Variants in ALKBH1 observed in about 807,000 individuals in gnomAD.
The protein encoded by ALKBH1 is nucleic acid dioxygenase ALKBH1.
In ALKBH1, 31 loss-of-function variants were observed where a neutral mutation model predicts 36.6. That is an observed-to-expected ratio of 0.85 (90% CI 0.64 to 1.14). ALKBH1 has a LOEUF of 1.14. Among genes scored for constraint, ALKBH1 ranks in the 50% most tolerant of loss-of-function variants. ALKBH1 has a pLI of 0.00. For synonymous variants in ALKBH1, 183 were observed against 186.6 expected (o/e 0.98, Z 0.16); for missense variants, 490 against 497.3 (o/e 0.99, Z 0.14).
At chr14:77,706,214 A>C (rs1355997132) in intron 1 of ALKBH1, among the ~76,000 whole-genome samples, 1 of 152,136 alleles carries the variant, frequency 6.6e-6, no homozygotes, top group Non-Finnish European at 1.5e-5. Context: ...TTGCTGATGT[A>C]TAACCAGTCT....
intron 1 of ALKBH1, among the ~76,000 whole-genome samples, chr14:77,707,545 A>G (rs2080401836): frequency 6.6e-6 from 1 of 152,174 alleles, no homozygotes; most frequent in Non-Finnish European, 1.5e-5. Flanking sequence ...CCAAACAGAA[A>G]TGTGAGGAGA....
intron 3 of ALKBH1, among the ~76,000 whole-genome samples, chr14:77,693,583 G>A (rs1203984085): frequency 6.6e-6 from 1 of 152,188 alleles, no homozygotes; most frequent in Admixed American, 6.5e-5. Flanking sequence ...CTTTGCTCAG[G>A]CTGCTTTCTC....
At chr14:77,689,106 G>A (rs1334222297) in intron 3 of ALKBH1, among the ~76,000 whole-genome samples, 1 of 152,164 alleles carries the variant, frequency 6.6e-6, no homozygotes, top group Non-Finnish European at 1.5e-5. Context: ...CTATTCTCAT[G>A]TTTTTCATGG....
chr14:77,673,891 T>A lies in ALKBH1; in HGVS notation c.1091A>T (p.Asp364Val). The A allele has an allele frequency of 3.7e-6, 6 of 1,614,232 alleles. No individual in the cohort carries two copies. The highest frequency in any genetic ancestry group is 5.1e-6 in the Non-Finnish European group (6 of 1,180,040). ...PLEPIEDEKRDISTEGFCHLD... is the reference protein window; with the variant it reads ...PLEPIEDEKRVISTEGFCHLD... ...ATGGCAGAAACCTTCTGTACTGATG[T>A]CTCTTTTTTCATCCTCGATGGGTTC... The change falls in exon 6 of 6, where the codon GAC becomes GTC. Residue 364 changes from aspartate to valine, a missense_variant. By Grantham distance (152) the Asp-to-Val change is radical. Transcript: ENST00000216489.
chr14:77,678,717 G>C (rs138596359), intron 4 of ALKBH1, among the ~76,000 whole-genome samples: 2 of 152,156 alleles, frequency 1.3e-5, no homozygotes, highest in African/African-American at 2.4e-5. Flanking sequence ...CTAAAGCATA[G>C]AGGATAGGAA....
At chr14:77,699,951 A>G (rs886455476) in intron 2 of ALKBH1, among the ~76,000 whole-genome samples, 2 of 152,120 alleles carry the variant, frequency 1.3e-5, no homozygotes, top group African/African-American at 4.8e-5. Context: ...GCTACTTGGG[A>G]GGCTGAGGCA....
intron 2 of ALKBH1, chr14:77,696,477 G>C (rs1292607490): frequency 1.3e-5 from 2 of 152,796 alleles, no homozygotes; most frequent in East Asian, 3.8e-4. Flanking sequence ...GGTGAGCCGG[G>C]CCTGGTCTTG....
chr14:77,694,655 G>T, intron 3 of ALKBH1, 83 bp downstream of exon 3: 1 of 1,151,128 alleles, frequency 8.7e-7, no homozygotes, highest in Non-Finnish European at 1.1e-6. Flanking sequence ...CACTTTTACT[G>T]CATTGTTATA....
intron 3 of ALKBH1, among the ~76,000 whole-genome samples, chr14:77,693,306 C>T (rs752291431): frequency 2.6e-5 from 4 of 152,006 alleles, no homozygotes; most frequent in Non-Finnish European, 5.9e-5. Context: ...ACCTTGGCCT[C>T]CCAAAGTGTT....
intron 2 of ALKBH1, among the ~76,000 whole-genome samples, chr14:77,701,096 AAAAC>A (rs2080357076): frequency 6.6e-6 from 1 of 152,200 alleles, no homozygotes; most frequent in South Asian, 2.1e-4. Flanking sequence ...CTGTCTCAAG[AAAAC>A]AAACAAAACC....
At chr14:77,694,509 T>A (rs1033282978) in intron 3 of ALKBH1, among the ~76,000 whole-genome samples, 1 of 152,182 alleles carries the variant, frequency 6.6e-6, no homozygotes, top group African/African-American at 2.4e-5. Flanking sequence ...TTATCTAAGC[T>A]ATGATAAGCA....
chr14:77,675,644 G>A lies in ALKBH1; in HGVS notation c.740+12C>T, dbSNP rs754418650. On this transcript the variant is annotated intron_variant, in intron 5 of 5. Transcript: ENST00000216489. ...GATAAAAAGTAATCCCAAATCCCTG[G>A]AACTAACTCACCTGAATGACAGCAA... 4 of 1,585,296 alleles carry A rather than the reference G, an allele frequency of 2.5e-6. No individual in the cohort carries two copies. The highest frequency in any genetic ancestry group is 4.5e-5 in the East Asian group (2 of 44,416).
At chr14:77,707,054 T>C (rs1381978774) in intron 1 of ALKBH1, among the ~76,000 whole-genome samples, 1 of 152,228 alleles carries the variant, frequency 6.6e-6, no homozygotes, top group Non-Finnish European at 1.5e-5. Flanking sequence ...TTATGTTCCC[T>C]TAAAAAAATA....
chr14:77,696,505 C>T (rs1321854742), intron 2 of ALKBH1: 3 of 152,754 alleles, frequency 2.0e-5, no homozygotes, highest in African/African-American at 7.2e-5. Context: ...TGGGGCCTGC[C>T]TGGCCTGACC....
rs1341822066 is a variant in ALKBH1 at position 77,707,887 on chromosome 14, G to A, written c.118C>T (p.Leu40=). 2.5e-6 allele frequency: 4 copies of A among 1,613,424 alleles called. No homozygotes were observed. In the South Asian group the frequency reaches 4.4e-5, roughly 18 times the overall value. The change falls in exon 1 of 6, where the codon CTG becomes TTG. Residue 40 remains leucine (L), a synonymous_variant. Coordinates refer to ENST00000216489, the MANE Select transcript of ALKBH1 (RefSeq NM_006020.3). ...GCCGAGAAGTCGATGACCCCTTCCA[G>A]GTCTGCGGTCCCGGGCCGGCTCTGA... ...YRQSRPGTAD[L]EGVIDFSAAH...
chr14:77,687,588 T>C (rs1268321549), intron 3 of ALKBH1, among the ~76,000 whole-genome samples: 1 of 152,202 alleles, frequency 6.6e-6, no homozygotes, highest in Non-Finnish European at 1.5e-5. Flanking sequence ...CTGACTTTTG[T>C]TTACACCACT....
At chr14:77,677,728 T>C (rs948162621) in intron 4 of ALKBH1, among the ~76,000 whole-genome samples, 1 of 152,198 alleles carries the variant, frequency 6.6e-6, no homozygotes, top group African/African-American at 2.4e-5. Context: ...TTTCTCCTTT[T>C]ACTGAACTGT....
At chr14:77,691,423 C>T (rs561345004) in intron 3 of ALKBH1, among the ~76,000 whole-genome samples, 1 of 152,278 alleles carries the variant, frequency 6.6e-6, no homozygotes, top group African/African-American at 2.4e-5. Context: ...ACTCAACAGA[C>T]TCTCTCCTGT....
intron 2 of ALKBH1, chr14:77,697,103 G>T: frequency 5.2e-6 from 1 of 192,444 alleles, no homozygotes; most frequent in Non-Finnish European, 1.1e-5. Flanking sequence ...AGCTTCCCAT[G>T]GACCCCAAAG....
Sources: gnomAD v4.1 joint callset for allele counts (sites outside exome capture counted in the v4.1 genomes callset) on GRCh38, gnomAD v4.1.1 for gene constraint, MANE v1.5 for transcripts, NCBI Gene and HGNC (gene_info 2026-07-23, HGNC 2026-07-21) for gene names.